ENOX1: variants seen among roughly 807,000 people sequenced by gnomAD.
ENOX1 encodes the protein candidate growth-related and time keeping constitutive hydroquinone (NADH) oxidase.
ENOX1 carries 42 observed loss-of-function variants against 82.5 expected under a neutral mutation model. The ratio of observed to expected loss-of-function variants is 0.51; its 90% CI spans 0.40 to 0.66. ENOX1 has a LOEUF of 0.66. Among genes scored for constraint, ENOX1 ranks in the 30% least tolerant of loss-of-function variants. ENOX1 has a pLI of 0.00. For synonymous variants in ENOX1, 271 were observed against 282.2 expected, an observed-to-expected ratio of 0.96 and a Z score of 0.40; for missense variants, 608 against 811.6, an observed-to-expected ratio of 0.75 and a Z score of 3.05.
intron 2 of ENOX1, among the ~76,000 whole-genome samples, chr13:43,598,099 T>C (rs1365591198): frequency 1.3e-5 from 2 of 152,170 alleles, no homozygotes; most frequent in Non-Finnish European, 1.5e-5. Flanking sequence ...CTCCCGGCTC[T>C]ACAGAGCTGA....
intron 1 of ENOX1, among the ~76,000 whole-genome samples, chr13:43,757,456 C>T (rs1056441228): frequency 2.0e-5 from 3 of 152,204 alleles, no homozygotes; most frequent in African/African-American, 4.8e-5. Flanking sequence ...GGTTGTGTGG[C>T]TTGGCCATCT....
chr13:43,407,051 G>A (rs1390756245), intron 5 of ENOX1, among the ~76,000 whole-genome samples: 2 of 152,208 alleles, frequency 1.3e-5, no homozygotes, highest in East Asian at 3.8e-4. Flanking sequence ...CTGCTTTTCA[G>A]CTCTCCTTCC....
At chr13:43,405,135 T>C (rs1369991727) in intron 5 of ENOX1, among the ~76,000 whole-genome samples, 1 of 152,220 alleles carries the variant, frequency 6.6e-6, no homozygotes, top group African/African-American at 2.4e-5. Flanking sequence ...TGAGTGTATT[T>C]GTAAGCTGAA....
At chr13:43,660,438 G>T (rs761725782) in intron 2 of ENOX1, among the ~76,000 whole-genome samples, 2 of 151,944 alleles carry the variant, frequency 1.3e-5, no homozygotes, top group Non-Finnish European at 2.9e-5. Context: ...ACTCTTTTTT[G>T]TTCCCTCAAA....
At chr13:43,773,607 A>G (rs1300226475) in intron 1 of ENOX1, among the ~76,000 whole-genome samples, 1 of 152,114 alleles carries the variant, frequency 6.6e-6, no homozygotes, top group Non-Finnish European at 1.5e-5. Context: ...CACCTGGATA[A>G]CCCCAACCAC....
chr13:43,491,262 C>A (rs934310446), intron 2 of ENOX1, among the ~76,000 whole-genome samples: 5 of 152,184 alleles, frequency 3.3e-5, no homozygotes, highest in Admixed American at 3.3e-4. Context: ...TGGTGCCAAA[C>A]CATTCATGAG....
chr13:43,220,244 T>A (rs1254987825), intron 16 of ENOX1, among the ~76,000 whole-genome samples: 1 of 146,988 alleles, frequency 6.8e-6, no homozygotes, highest in Non-Finnish European at 1.5e-5. Flanking sequence ...GGAAGGAAAA[T>A]GAGGGCAGGA....
intron 3 of ENOX1, among the ~76,000 whole-genome samples, chr13:43,419,367 C>T (rs144431964): frequency 2.6e-5 from 4 of 151,910 alleles, no homozygotes; most frequent in South Asian, 4.2e-4. Context: ...CAACATAGGG[C>T]GATTTCATCT....
intron 12 of ENOX1, among the ~76,000 whole-genome samples, chr13:43,283,090 G>GA (rs56784809): frequency 0.41 from 57,206 of 139,468 alleles, 11,731 homozygotes; most frequent in East Asian, 0.57. Flanking sequence ...CTCAAGAAAA[G>GA]AAAAAAAAAA....
At chr13:43,738,926 C>A (rs1330684313) in intron 1 of ENOX1, among the ~76,000 whole-genome samples, 1 of 152,170 alleles carries the variant, frequency 6.6e-6, no homozygotes, top group Non-Finnish European at 1.5e-5. Context: ...GCACCCAGGT[C>A]CCTTACCCTC....
chr13:43,526,569 T>G (rs2077999443), intron 2 of ENOX1, among the ~76,000 whole-genome samples: 1 of 152,074 alleles, frequency 6.6e-6, no homozygotes, highest in South Asian at 2.1e-4. Flanking sequence ...AGCAGAACAT[T>G]TTGGAGTTCA....
intron 2 of ENOX1, among the ~76,000 whole-genome samples, chr13:43,617,166 A>G (rs1472885466): frequency 6.6e-6 from 1 of 152,192 alleles, no homozygotes; most frequent in Non-Finnish European, 1.5e-5. Flanking sequence ...GTGCCTCATC[A>G]TGAGCTAGAA....
intron 3 of ENOX1, among the ~76,000 whole-genome samples, chr13:43,443,748 G>A (rs1362805727): frequency 2.0e-5 from 3 of 152,176 alleles, no homozygotes; most frequent in Non-Finnish European, 2.9e-5. Flanking sequence ...AAGCTCACCC[G>A]AGGAGGTGAC....
intron 16 of ENOX1, among the ~76,000 whole-genome samples, chr13:43,215,799 C>T (rs2041443618): frequency 6.6e-6 from 1 of 152,234 alleles, no homozygotes; most frequent in Admixed American, 6.5e-5. Flanking sequence ...CAGCCAGCCT[C>T]TTCTCTGGAG....
chr13:43,458,077 T>A (rs1456266660), intron 3 of ENOX1, among the ~76,000 whole-genome samples: 1 of 152,220 alleles, frequency 6.6e-6, no homozygotes, highest in Non-Finnish European at 1.5e-5. Flanking sequence ...TGTAGTCCTC[T>A]ATCCTCTGTC....
chr13:43,647,775 G>A (rs576747659), intron 2 of ENOX1, among the ~76,000 whole-genome samples: 1 of 152,304 alleles, frequency 6.6e-6, no homozygotes, highest in East Asian at 1.9e-4. Flanking sequence ...TTTTGCAGAT[G>A]TGATTATGAT....
chr13:43,266,330 T>C (rs2044367236), intron 13 of ENOX1, among the ~76,000 whole-genome samples: 1 of 152,176 alleles, frequency 6.6e-6, no homozygotes, highest in African/African-American at 2.4e-5. Flanking sequence ...TCAATGCACA[T>C]ATACCACCAA....
At chr13:43,512,387 A>T (rs1249488810) in intron 2 of ENOX1, among the ~76,000 whole-genome samples, 2 of 152,108 alleles carry the variant, frequency 1.3e-5, no homozygotes, top group African/African-American at 4.8e-5. Context: ...CAAATGTATT[A>T]AAAAAAGCAA....
intron 12 of ENOX1, among the ~76,000 whole-genome samples, chr13:43,276,986 G>C (rs1290861229): frequency 6.6e-6 from 1 of 152,102 alleles, no homozygotes; most frequent in Non-Finnish European, 1.5e-5. Context: ...CAAGCCTATG[G>C]CCAGTGTATT....
Sources: gnomAD v4.1 joint callset for allele counts (sites outside exome capture counted in the v4.1 genomes callset) on GRCh38, gnomAD v4.1.1 for gene constraint, MANE v1.5 for transcripts, NCBI Gene and HGNC (gene_info 2026-07-23, HGNC 2026-07-21) for gene names.